The following SLC25A21 variants were observed in gnomAD, a reference collection of about 807,000 sequenced individuals.
The protein encoded by SLC25A21 is solute carrier family 25 member 21, also known as mitochondrial 2-oxodicarboxylate carrier.
Under a neutral mutation model 43.8 loss-of-function variants are expected in SLC25A21, and 47 were observed. The observed-to-expected ratio is 1.07, with a 90% CI of 0.85 to 1.37. The LOEUF is 1.37. Among genes scored for constraint, SLC25A21 ranks in the 40% most tolerant of loss-of-function variants. SLC25A21 has a pLI of 0.00. For missense variants in SLC25A21, 352 were observed against 350.2 expected, an observed-to-expected ratio of 1.00 and a Z score of -0.04; for synonymous variants, 131 against 121.3, an observed-to-expected ratio of 1.08 and a Z score of -0.52.
At chr14:36,910,200 AT>A (rs1891648053) in intron 1 of SLC25A21, among the ~76,000 whole-genome samples, 2 of 152,190 alleles carry the variant, frequency 1.3e-5, no homozygotes. Flanking sequence ...GATCACTCTT[AT>A]TTCAGGAATT....
chr14:37,059,137 C>T (rs1961891386), intron 1 of SLC25A21, among the ~76,000 whole-genome samples: 1 of 152,180 alleles, frequency 6.6e-6, no homozygotes, highest in African/African-American at 2.4e-5. Flanking sequence ...AACACAAGTG[C>T]CTTCCACAAG....
intron 1 of SLC25A21, among the ~76,000 whole-genome samples, chr14:37,084,464 T>C (rs1962446383): frequency 6.6e-6 from 1 of 152,212 alleles, no homozygotes; most frequent in South Asian, 2.1e-4. Flanking sequence ...TCAGTCTACT[T>C]TTTATTTTTC....
chr14:37,029,491 G>A (rs1276740385), intron 1 of SLC25A21, among the ~76,000 whole-genome samples: 1 of 152,128 alleles, frequency 6.6e-6, no homozygotes, highest in Non-Finnish European at 1.5e-5. Flanking sequence ...CACTTAAACA[G>A]TGCATCTTTA....
At chr14:37,028,261 T>C (rs188881130) in intron 1 of SLC25A21, among the ~76,000 whole-genome samples, 25 of 152,206 alleles carry the variant, frequency 1.6e-4, no homozygotes, top group African/African-American at 4.3e-4. Flanking sequence ...AGAAAAAAAA[T>C]TATAATGAAA....
At chr14:36,705,177 A>G (rs998788296) in intron 7 of SLC25A21, among the ~76,000 whole-genome samples, 8 of 151,464 alleles carry the variant, frequency 5.3e-5, no homozygotes. Flanking sequence ...AGTAGCTGGG[A>G]CTACTGGCGC....
intron 1 of SLC25A21, among the ~76,000 whole-genome samples, chr14:36,966,840 TC>T (rs1342930755): frequency 3.2e-4 from 49 of 152,186 alleles, no homozygotes; most frequent in Non-Finnish European, 6.5e-4. Context: ...TTGAGTTCCT[TC>T]TTTCTTGACA....
chr14:36,707,555 A>G (rs1054000946), intron 7 of SLC25A21, among the ~76,000 whole-genome samples: 1 of 152,168 alleles, frequency 6.6e-6, no homozygotes, highest in Non-Finnish European at 1.5e-5. Flanking sequence ...ATTTACTAGT[A>G]CAATCTAGTA....
intron 1 of SLC25A21, among the ~76,000 whole-genome samples, chr14:36,962,857 C>T (rs185710103): frequency 3.0e-4 from 45 of 152,294 alleles, no homozygotes; most frequent in African/African-American, 1.1e-3. Flanking sequence ...ATACCAAACA[C>T]ATGAAATTCA....
intron 1 of SLC25A21, among the ~76,000 whole-genome samples, chr14:36,952,823 T>C (rs8017518): frequency 0.49 from 74,646 of 152,032 alleles, 20,685 homozygotes; most frequent in Non-Finnish European, 0.62. Flanking sequence ...AGACTACACC[T>C]TCTGTAGCTT....
intron 1 of SLC25A21, among the ~76,000 whole-genome samples, chr14:36,986,430 C>T (rs1960147058): frequency 6.6e-6 from 1 of 152,104 alleles, no homozygotes; most frequent in African/African-American, 2.4e-5. Flanking sequence ...CACTTGACTG[C>T]TTAAGTGACC....
intron 1 of SLC25A21, among the ~76,000 whole-genome samples, chr14:36,881,891 A>G (rs1890739812): frequency 6.6e-6 from 1 of 152,162 alleles, no homozygotes; most frequent in African/African-American, 2.4e-5. Context: ...TTAAAGGACA[A>G]TGTTGAATGA....
intron 3 of SLC25A21, among the ~76,000 whole-genome samples, chr14:36,753,009 C>A (rs376128043): frequency 6.6e-5 from 10 of 152,166 alleles, no homozygotes; most frequent in African/African-American, 2.4e-4. Context: ...TGTATGATGC[C>A]ATTTCTATGA....
chr14:37,077,097 TGTAA>T, intron 1 of SLC25A21, among the ~76,000 whole-genome samples: 1 of 152,298 alleles, frequency 6.6e-6, no homozygotes, highest in Middle Eastern at 3.4e-3. Flanking sequence ...ACTCAGACAT[TGTAA>T]GTAATTTCAG....
intron 1 of SLC25A21, among the ~76,000 whole-genome samples, chr14:36,925,122 C>T (rs753294877): frequency 7.9e-5 from 12 of 151,920 alleles, no homozygotes; most frequent in African/African-American, 1.7e-4. Flanking sequence ...GATATTAAAA[C>T]GCAATAGTAA....
chr14:36,715,309 TAGAA>T (rs1449647141), intron 6 of SLC25A21, among the ~76,000 whole-genome samples: 1 of 152,198 alleles, frequency 6.6e-6, no homozygotes, highest in African/African-American at 2.4e-5. Context: ...AATATTTAAT[TAGAA>T]AGGCAAAACA....
intron 1 of SLC25A21, among the ~76,000 whole-genome samples, chr14:37,146,633 T>C (rs1963669944): frequency 6.6e-6 from 1 of 152,206 alleles, no homozygotes; most frequent in Non-Finnish European, 1.5e-5. Context: ...AATGATGTCA[T>C]TATTTTACAT....
intron 2 of SLC25A21, among the ~76,000 whole-genome samples, chr14:36,822,331 C>G (rs1003182965): frequency 1.4e-4 from 22 of 152,176 alleles, no homozygotes; most frequent in African/African-American, 4.6e-4. Context: ...TATTTGGCTG[C>G]TTATCAAATT....
chr14:37,110,596 C>A (rs1193760462), intron 1 of SLC25A21, among the ~76,000 whole-genome samples: 1 of 152,124 alleles, frequency 6.6e-6, no homozygotes, highest in African/African-American at 2.4e-5. Flanking sequence ...ATTTCTAACT[C>A]ATTTTTCTCC....
At chr14:36,984,957 A>G (rs1960112107) in intron 1 of SLC25A21, among the ~76,000 whole-genome samples, 1 of 151,634 alleles carries the variant, frequency 6.6e-6, no homozygotes, top group African/African-American at 2.4e-5. Flanking sequence ...CTGGATTAAG[A>G]AAATGTGGCA....
Sources: allele counts gnomAD v4.1 joint callset (sites outside exome capture counted in the v4.1 genomes callset), GRCh38; gene constraint gnomAD v4.1.1; transcripts MANE v1.5; gene names NCBI Gene and HGNC (gene_info 2026-07-23, HGNC 2026-07-21).